The following ICA1 variants were observed in gnomAD, a reference collection of about 807,000 sequenced individuals.
ICA1 encodes the protein 69 kDa islet cell autoantigen.
A neutral mutation model predicts 71.0 loss-of-function variants in ICA1; 40 were observed. The observed-to-expected ratio is 0.56, with a 90% CI of 0.44 to 0.73. ICA1 has a LOEUF of 0.73. Among genes scored for constraint, ICA1 ranks in the 30% least tolerant of loss-of-function variants. The pLI is 0.00. For missense variants in ICA1, 578 were observed against 576.5 expected (o/e 1.00, Z -0.03); for synonymous variants, 207 against 209.5 (o/e 0.99, Z 0.10).
chr7:8,182,474 AGGACTC>A (rs1428934713), intron 6 of ICA1, among the ~76,000 whole-genome samples: 2 of 152,224 alleles, frequency 1.3e-5, no homozygotes, highest in African/African-American at 4.8e-5. Context: ...GGAGAAGAAC[AGGACTC>A]TTCTTCCCTG....
intron 6 of ICA1, among the ~76,000 whole-genome samples, chr7:8,185,101 G>T (rs1783497232): frequency 1.3e-5 from 2 of 151,710 alleles, no homozygotes; most frequent in South Asian, 2.1e-4. Context: ...AGGAAAAAAG[G>T]AAATGAGAGA....
At chr7:8,251,280 A>T (rs1808101168) in intron 1 of ICA1, among the ~76,000 whole-genome samples, 1 of 151,562 alleles carries the variant, frequency 6.6e-6, no homozygotes, top group South Asian at 2.1e-4. Context: ...AAGTTTAATG[A>T]CTCCCTAAAA....
At chr7:8,190,484 T>C (rs1346611092) in intron 6 of ICA1, among the ~76,000 whole-genome samples, 2 of 152,224 alleles carry the variant, frequency 1.3e-5, no homozygotes, top group Non-Finnish European at 2.9e-5. Flanking sequence ...AATAAGGTAA[T>C]ACAGTTAGCT....
intron 6 of ICA1, among the ~76,000 whole-genome samples, chr7:8,216,792 T>G (rs1382475899): frequency 2.0e-5 from 3 of 152,218 alleles, no homozygotes; most frequent in Non-Finnish European, 4.4e-5. Context: ...TGACTCTCAT[T>G]TACCTCTCTG....
At chr7:8,128,182 G>A (rs983084330) in intron 12 of ICA1, 40 bp from the exon 13 acceptor site, 6 of 1,592,912 alleles carry the variant, frequency 3.8e-6, no homozygotes, top group African/African-American at 1.3e-5. Context: ...ACCACGGAGG[G>A]CTCAAGCCCT....
rs1421891393 is a variant in ICA1 at position 8,215,381 on chromosome 7, T to G, written c.579+2924A>C. Among the ~76,000 whole-genome samples, 3 of 152,268 alleles carry G rather than the reference T, an allele frequency of 2.0e-5. No individual in the cohort carries two copies. In the East Asian group the frequency reaches 5.8e-4, roughly 29 times the overall value. On this transcript the variant is annotated intron_variant, in intron 6 of 13. Transcript: ENST00000402384. Reference sequence around the variant, plus strand: ...GCTCTTTCCTACCCATCCTTCACATTTTGTTTAGTGCCACCTCCTCCAGGA... The same window carrying G: ...GCTCTTTCCTACCCATCCTTCACATGTTGTTTAGTGCCACCTCCTCCAGGA...
intron 3 of ICA1, among the ~76,000 whole-genome samples, chr7:8,229,752 A>G (rs968831150): frequency 1.3e-5 from 2 of 152,256 alleles, no homozygotes; most frequent in African/African-American, 4.8e-5. Flanking sequence ...CTTGGTTATA[A>G]AGAATATAAA....
intron 6 of ICA1, among the ~76,000 whole-genome samples, chr7:8,174,771 A>AAAAAACAAAAAACC (rs1554310915): frequency 1.9e-5 from 2 of 106,036 alleles, no homozygotes; most frequent in Admixed American, 1.1e-4. Flanking sequence ...AAAAAAAAAA[A>AAAAAACAAAAAACC]AAAAAAAACA....
At chr7:8,213,843 C>T (rs1354389385) in intron 6 of ICA1, among the ~76,000 whole-genome samples, 1 of 151,824 alleles carries the variant, frequency 6.6e-6, no homozygotes, top group Non-Finnish European at 1.5e-5. Flanking sequence ...AACCTTCTCA[C>T]CACATATCCT....
At chr7:8,159,664 C>A (rs1802992087) in intron 6 of ICA1, among the ~76,000 whole-genome samples, 1 of 152,112 alleles carries the variant, frequency 6.6e-6, no homozygotes, top group South Asian at 2.1e-4. Flanking sequence ...TGTGCCACTG[C>A]ACCCCAGCCT....
intron 1 of ICA1, among the ~76,000 whole-genome samples, chr7:8,236,601 C>G (rs895283551): frequency 6.6e-6 from 1 of 152,058 alleles, no homozygotes; most frequent in African/African-American, 2.4e-5. Context: ...TTTAAAACCC[C>G]AAATAAAAAC....
intron 1 of ICA1, among the ~76,000 whole-genome samples, chr7:8,240,415 C>T (rs979291647): frequency 6.6e-6 from 1 of 152,136 alleles, no homozygotes; most frequent in Admixed American, 6.5e-5. Flanking sequence ...ATCTGTAGGT[C>T]ATCAACATCA....
chr7:8,177,730 C>G (rs1781042637), intron 6 of ICA1, among the ~76,000 whole-genome samples: 1 of 152,146 alleles, frequency 6.6e-6, no homozygotes, highest in Non-Finnish European at 1.5e-5. Flanking sequence ...CAACTCACAT[C>G]CACAAATCAA....
chr7:8,127,971 G>A lies in ICA1; in HGVS notation c.1232C>T (p.Ala411Val), dbSNP rs1483218509. ...GGCCTTGGGGTCTGGCTCTCCCAGG[G>A]CCATAGTGGGCACTGGCTCCTTCAC... ...GQVKEPVPTM[A>V]LGEPDPKAQT... The change falls in exon 13 of 14, where the codon GCC (alanine) becomes GTC (valine). Residue 411 changes from alanine (A) to valine (V), a missense_variant. By Grantham distance (64) the Ala-to-Val change is moderately conservative (BLOSUM62 0). Transcript: ENST00000402384. The A allele has an allele frequency of 6.2e-7, 1 of 1,614,086 alleles. No homozygotes were observed. Among genetic ancestry groups the A allele is most frequent in the African/African-American group, 1.3e-5 (1 of 74,918 alleles).
In ICA1 at chr7:8,165,311, C is replaced by A. The variant is rs146405168; in HGVS notation, c.580-6659G>T. Among the ~76,000 whole-genome samples the A allele has an allele frequency of 7.2e-3, 1,091 of 152,252 alleles. 11 individuals carry two copies. The highest frequency in any genetic ancestry group is 0.025 in the African/African-American group (1,033 of 41,534). ...GAAGCAATTTTCATATTTTATTATG[C>A]AAAGAAGTATGTGTAAGTGAATGTG... On this transcript the variant is annotated intron_variant, in intron 6 of 13. Coordinates refer to ENST00000402384, the MANE Select transcript of ICA1 (RefSeq NM_001136020.3).
intron 6 of ICA1, among the ~76,000 whole-genome samples, chr7:8,196,567 G>A (rs1436339597): frequency 6.6e-6 from 1 of 152,166 alleles, no homozygotes; most frequent in African/African-American, 2.4e-5. Flanking sequence ...CACTGATGGG[G>A]GATGCTGATG....
At chr7:8,152,718 T>TCCG (rs1799599275) in intron 8 of ICA1, among the ~76,000 whole-genome samples, 4 of 30,364 alleles carry the variant, frequency 1.3e-4, no homozygotes, top group South Asian at 1.3e-3. Context: ...CATCACCTCC[T>TCCG]CCACCATCAC....
chr7:8,114,347 G>C (rs1784104863), intron 13 of ICA1, among the ~76,000 whole-genome samples: 1 of 152,146 alleles, frequency 6.6e-6, no homozygotes, highest in South Asian at 2.1e-4. Flanking sequence ...CTCGGGCCCT[G>C]CCACTTCACC....
chr7:8,165,509 G>A (rs74973370), intron 6 of ICA1, among the ~76,000 whole-genome samples: 5,268 of 152,182 alleles, frequency 0.035, 149 homozygotes, highest in South Asian at 0.13. Flanking sequence ...ACATAATATT[G>A]GAAGTCCTAG....
Sources: allele counts gnomAD v4.1 joint callset (sites outside exome capture counted in the v4.1 genomes callset), GRCh38; gene constraint gnomAD v4.1.1; transcripts MANE v1.5; gene names NCBI Gene and HGNC (gene_info 2026-07-23, HGNC 2026-07-21).